Variants in SLC16A8 observed in about 807,000 individuals in gnomAD.
The protein encoded by SLC16A8 is solute carrier family 16 member 8.
In SLC16A8, 20 loss-of-function variants were observed where a neutral mutation model predicts 22.4. That is an observed-to-expected ratio of 0.89 (90% confidence interval 0.63 to 1.30). SLC16A8 has a LOEUF of 1.30. SLC16A8 is among the 50% of genes most tolerant of loss of function. The pLI is 0.00. For missense variants in SLC16A8, 817 were observed against 740.3 expected (o/e 1.10, Z -1.20); for synonymous variants, 393 against 358.8 (o/e 1.10, Z -1.08).
In SLC16A8 at chr22:38,082,040, C is replaced by T. The variant is rs772503072; in HGVS notation, c.215-8G>A. 1.9e-6 allele frequency: 3 copies of T among 1,573,948 alleles called. No individual in the cohort carries two copies. Among genetic ancestry groups the T allele is most frequent in the Non-Finnish European group, 1.7e-6 (2 of 1,160,240 alleles). On this transcript the variant is annotated splice_region_variant and splice_polypyrimidine_tract_variant and intron_variant, in intron 3 of 5. Coordinates refer to ENST00000681075, the MANE Select transcript of SLC16A8 (RefSeq NM_013356.3). ...GGATGCTGGACACGGGGCCTGTGGG[C>T]AGGGCAGGGTCACCACCCGGGTCCC...
At position 38,078,648 on chromosome 22, in the gene SLC16A8, CAG is replaced by C. The variant is rs1203816586; in HGVS notation, c.1253_1254del (p.Ser418Ter). 1.9e-6 allele frequency: 3 copies of C among 1,613,720 alleles called. No individual in the cohort carries two copies. The highest frequency in any genetic ancestry group is 3.3e-5 in the Admixed American group (2 of 60,022). On this transcript the variant is annotated frameshift_variant, in exon 6 of 6. Coordinates refer to ENST00000681075, the MANE Select transcript of SLC16A8 (RefSeq NM_013356.3). LOFTEE classifies it low-confidence loss of function (END_TRUNC). ...NYEIIFYLAG[S>X]EVALAGVFMA... The stretch of plus-strand genomic sequence containing the variant: ...ATGAAGACCCCAGCCAGGGCCACCT[CAG>C]AGCCGGCCAGGTAGAAGATGATCTC...
In SLC16A8 at chr22:38,083,072, GAA is replaced by G; in HGVS notation, c.-41_-40del. 1.7e-6 allele frequency: 1 copy of G among 587,480 alleles called. No homozygotes were observed. The highest frequency in any genetic ancestry group is 2.8e-5 in the East Asian group (1 of 35,770). The allele number at this position is 587,480 out of a possible 1,614,324, so 36.4% of individuals were successfully genotyped here. On this transcript the variant is annotated 5_prime_UTR_variant, in exon 2 of 6. Coordinates refer to ENST00000681075, the MANE Select transcript of SLC16A8 (RefSeq NM_013356.3). The stretch of plus-strand genomic sequence containing the variant: ...GTCTCCTTCTCCTGCAAAGGGCGCT[GAA>G]GGACGAGGGGAGGACGACGGGTCCC...
intron 4 of SLC16A8, 25 bp from the exon 5 acceptor site, chr22:38,081,704 G>A (rs1436177195): frequency 2.7e-6 from 4 of 1,477,638 alleles, no homozygotes; most frequent in Middle Eastern, 1.8e-4. Context: ...GTGCTGTGCC[G>A]GGGTCCCCGG....
chr22:38,081,648 C>T lies in SLC16A8; in HGVS notation c.390G>A (p.Ser130=), dbSNP rs1311213759. The change falls in exon 5 of 6, where the codon TCG becomes TCA. Residue 130 remains serine, a synonymous_variant. Coordinates refer to ENST00000681075, the MANE Select transcript of SLC16A8 (RefSeq NM_013356.3). ...CGAAGTACAGCCCCAGCATGATGAGCGACGGCTGGAAGTTGAGGGCCAGGC... is the reference window on the plus strand; with the variant it reads ...CGAAGTACAGCCCCAGCATGATGAGTGACGGCTGGAAGTTGAGGGCCAGGC... ...GLGLALNFQP[S]LIMLGLYFER... 2 of 1,525,546 alleles carry T rather than the reference C, an allele frequency of 1.3e-6. No homozygotes were observed. The highest frequency in any genetic ancestry group is 2.4e-5 in the South Asian group (2 of 82,652). 94.5% of individuals were successfully genotyped at this position (1,525,546 alleles called of 1,614,324 possible).
rs764332944 is a variant in SLC16A8, at chr22:38,078,213, G to A, written c.*175C>T. ...CACTGGCGATGGGGCAGGGCCTGGC[G>A]GAACTTGGGGCACAGATGAGGGAGG... On this transcript the variant is annotated 3_prime_UTR_variant, in exon 6 of 6. Coordinates refer to ENST00000681075, the MANE Select transcript of SLC16A8 (RefSeq NM_013356.3). 5 of 626,134 alleles carry A rather than the reference G, an allele frequency of 8.0e-6. No individual in the cohort carries two copies. Among genetic ancestry groups the A allele is most frequent in the South Asian group, 4.2e-5 (2 of 48,044 alleles). The allele number at this position is 626,134 out of a possible 1,614,324, so 38.8% of individuals were successfully genotyped here.
Position 38,082,620 on chromosome 22 carries a change from G to C in SLC16A8, c.214+40C>G, listed in dbSNP as rs1569210411. 3 of 1,493,230 alleles carry C rather than the reference G, an allele frequency of 2.0e-6. No homozygotes were observed. The East Asian group carries it at 7.4e-5, about 37-fold the overall frequency. 92.5% of individuals were successfully genotyped at this position (1,493,230 alleles called of 1,614,324 possible). On this transcript the variant is annotated intron_variant, in intron 3 of 5. Transcript: ENST00000681075. ...GGGTGTCTCCTGGTTCCGGATCCCA[G>C]GGGTCCCGGGGAGGCGGAGGGCCGG...
At position 38,080,929 on chromosome 22, in the gene SLC16A8, G is replaced by T; in HGVS notation, c.1109C>A (p.Ala370Glu). 1 of 1,579,572 alleles carries T rather than the reference G, an allele frequency of 6.3e-7. No homozygotes were observed. Among genetic ancestry groups the T allele is most frequent in the Non-Finnish European group, 8.6e-7 (1 of 1,169,052 alleles). Residue 370 changes from alanine to glutamate, a missense_variant, in exon 5 of 6, where the codon GCG (alanine) becomes GAG (glutamate). Transcript: ENST00000681075. Reference sequence around the variant, plus strand: ...GGGGAAGCGGGGCGCGCCCACAGCCGCCATGAGCACCTCGAACTGCAGCGC... The same window carrying T: ...GGGGAAGCGGGGCGCGCCCACAGCCTCCATGAGCACCTCGAACTGCAGCGC... ...VGALQFEVLM[A>E]AVGAPRFPSA...
At chr22:38,081,835 C>T in intron 4 of SLC16A8, 54 bp downstream of exon 4, 3 of 1,542,494 alleles carry the variant, frequency 1.9e-6, no homozygotes, top group Middle Eastern at 1.7e-4. Context: ...ACAGATCTTG[C>T]AGCAAGAACC....
rs1458318455 is a variant in SLC16A8 at position 38,082,829 on chromosome 22, G to A, written c.45C>T (p.Gly15=). 4.4e-6 allele frequency: 7 copies of A among 1,576,352 alleles called. No homozygotes were observed. The highest frequency in any genetic ancestry group is 2.3e-5 in the East Asian group (1 of 43,864). ...GPRRGEGPPD[G]GWGWVVLGAC... is the part of the protein sequence containing the mutation. ...CGCCCAGCACCACCCAGCCCCAGCC[G>A]CCGTCTGGGGGGCCCTCGCCCCGCC... is the stretch of plus-strand genomic sequence containing the variant. Residue 15 remains glycine (G), a synonymous_variant, in exon 3 of 6, where the codon GGC becomes GGT. Transcript: ENST00000681075.
chr22:38,078,235 G>C lies in SLC16A8; in HGVS notation c.*153C>G. ...GGCGGAACTTGGGGCACAGATGAGG[G>C]AGGCAGTTCCCAGACACCCAGGGGA... On this transcript the variant is annotated 3_prime_UTR_variant, in exon 6 of 6. Transcript: ENST00000681075. 1.4e-6 allele frequency: 1 copy of C among 712,240 alleles called. No homozygotes were observed. Among genetic ancestry groups the C allele is most frequent in the South Asian group, 1.8e-5 (1 of 54,100 alleles). 44.1% of individuals were successfully genotyped at this position (712,240 alleles called of 1,614,324 possible). A position where few individuals can be genotyped will look rare whatever the true frequency, so the allele number is the denominator to read the frequency against.
At position 38,081,663 on chromosome 22, in the gene SLC16A8, G is replaced by GA. The variant is rs2085920073; in HGVS notation, c.374dup (p.Asn126GlnfsTer98). On this transcript the variant is annotated frameshift_variant, in exon 5 of 6. Transcript: ENST00000681075. LOFTEE classifies it high-confidence loss of function. Reference sequence around the variant, plus strand: ...GCATGATGAGCGACGGCTGGAAGTTGAGGGCCAGGCCCAGGCCTGCGGGCG... The same window carrying GA: ...GCATGATGAGCGACGGCTGGAAGTTGAAGGGCCAGGCCCAGGCCTGCGGGCG... The GA allele has an allele frequency of 5.2e-6, 8 of 1,524,418 alleles. No individual in the cohort carries two copies. Among genetic ancestry groups the GA allele is most frequent in the African/African-American group, 1.4e-5 (1 of 71,744 alleles). 94.4% of individuals were successfully genotyped at this position (1,524,418 alleles called of 1,614,324 possible).
chr22:38,083,535 C>G (rs1489434070), intron 1 of SLC16A8, among the ~76,000 whole-genome samples, 174 bp from the exon 2 acceptor site: 1 of 152,192 alleles, frequency 6.6e-6, no homozygotes, highest in African/African-American at 2.4e-5. Context: ...ATTGATCACC[C>G]CGAGGCCAGC....
intron 3 of SLC16A8, 135 bp from the exon 4 acceptor site, chr22:38,082,167 C>G (rs2085928068): frequency 1.8e-6 from 2 of 1,081,368 alleles, no homozygotes; most frequent in Non-Finnish European, 1.3e-6. Context: ...AGGGGACAGG[C>G]CAAAGAGACA....
intron 5 of SLC16A8, among the ~76,000 whole-genome samples, chr22:38,079,030 C>T (rs1004780244): frequency 4.7e-5 from 7 of 149,658 alleles, no homozygotes; most frequent in East Asian, 2.1e-4. Context: ...GGGGTGGGAG[C>T]GGGGAGGGGG....
intron 3 of SLC16A8, among the ~76,000 whole-genome samples, chr22:38,082,281 C>T (rs963430343): frequency 2.0e-5 from 3 of 152,368 alleles, no homozygotes; most frequent in South Asian, 2.1e-4. Context: ...CTCCAAGTCC[C>T]GCCCTGGCAC....
Position 38,083,024 on chromosome 22 carries a change from C to A in SLC16A8, c.-9+18G>T. 1 of 610,958 alleles carries A rather than the reference C, an allele frequency of 1.6e-6. No individual in the cohort carries two copies. 37.8% of individuals were successfully genotyped at this position (610,958 alleles called of 1,614,324 possible). A position where few individuals can be genotyped will look rare whatever the true frequency, so the allele number is the denominator to read the frequency against. On this transcript the variant is annotated intron_variant, in intron 2 of 5. Transcript: ENST00000681075. ...CAGGTCTGGGAACCAAAAGGGGAAA[C>A]GGAGGTAGGACTCTCACCCCAAGTC...
In SLC16A8 at chr22:38,081,340, G is replaced by A; in HGVS notation, c.698C>T (p.Ser233Phe). The change falls in exon 5 of 6, where the codon TCC (serine) becomes TTC (phenylalanine). Residue 233 changes from serine (S) to phenylalanine (F), a missense_variant. Transcript: ENST00000681075. ...GCGCCGGCGGGGCCGGACCCTGGGG[G>A]ATGCCTCGCGCAGCTGCAGCCCCGC... is the stretch of plus-strand genomic sequence containing the variant. Reference protein sequence around the residue: ...DGAGLQLREASPRVRPRRRLL... With the variant: ...DGAGLQLREAFPRVRPRRRLL... 6.8e-7 allele frequency: 1 copy of A among 1,466,746 alleles called. No homozygotes were observed. 90.9% of individuals were successfully genotyped at this position (1,466,746 alleles called of 1,614,324 possible). A position where few individuals can be genotyped will look rare whatever the true frequency, so the allele number is the denominator to read the frequency against.
In SLC16A8 at chr22:38,082,730, G is replaced by T. The variant is rs759275465; in HGVS notation, c.144C>A (p.Arg48=). The T allele has an allele frequency of 1.9e-6, 3 of 1,591,294 alleles. No individual in the cohort carries two copies. The highest frequency in any genetic ancestry group is 2.6e-6 in the Non-Finnish European group (3 of 1,171,094). ...AVSVFFRALM[R]DFDAGYSDTA... is the part of the protein sequence containing the mutation. ...TGTCGCTGTAGCCGGCGTCGAAGTC[G>T]CGCATGAGCGCGCGGAAGAAGACGC... The change falls in exon 3 of 6, where the codon CGC becomes CGA. Residue 48 remains arginine (R), a synonymous_variant. Coordinates refer to ENST00000681075, the MANE Select transcript of SLC16A8 (RefSeq NM_013356.3).
At chr22:38,082,631 G>A in intron 3 of SLC16A8, 29 bp downstream of exon 3, 7 of 1,520,124 alleles carry the variant, frequency 4.6e-6, no homozygotes, top group Non-Finnish European at 6.2e-6. Context: ...GGGTCCCGGG[G>A]AGGCGGAGGG....
Sources: gnomAD v4.1 joint callset for allele counts (sites outside exome capture counted in the v4.1 genomes callset) on GRCh38, gnomAD v4.1.1 for gene constraint, MANE v1.5 for transcripts, NCBI Gene and HGNC (gene_info 2026-07-23, HGNC 2026-07-21) for gene names.